GLDN: variants seen among roughly 807,000 people sequenced by gnomAD.
GLDN encodes the protein collomin.
Under a neutral mutation model 56.5 loss-of-function variants are expected in GLDN, and 47 were observed. The observed-to-expected ratio is 0.83, with a 90% CI of 0.66 to 1.06. GLDN has a LOEUF of 1.06. GLDN is among the 50% of genes least tolerant of loss of function. GLDN has a pLI of 0.00. For missense variants in GLDN, 782 were observed against 714.3 expected, an observed-to-expected ratio of 1.09 and a Z score of -1.08; for synonymous variants, 332 against 278.8, an observed-to-expected ratio of 1.19 and a Z score of -1.90.
intron 2 of GLDN, among the ~76,000 whole-genome samples, chr15:51,381,927 C>T (rs2037771673): frequency 6.6e-6 from 1 of 152,138 alleles, no homozygotes; most frequent in Non-Finnish European, 1.5e-5. Context: ...TGCCTAAGAA[C>T]CTCCCATGGC....
Position 51,400,463 on chromosome 15 carries a change from G to T in GLDN, c.992G>T (p.Ser331Ile), listed in dbSNP as rs763102564. ...GTWIRESANK[S>I]DDRIWVTEHF... ...TGGATAAGAGAGTCTGCTAACAAGA[G>T]TGATGACCGGATTTGGGTGACAGAG... The change falls in exon 8 of 10, where the codon AGT becomes ATT. Residue 331 changes from serine to isoleucine, a missense_variant. Ser to Ile is a moderately radical substitution (Grantham distance 142). Transcript: ENST00000335449. 1.2e-6 allele frequency: 2 copies of T among 1,614,198 alleles called. No homozygotes were observed. Among genetic ancestry groups the T allele is most frequent in the Non-Finnish European group, 1.7e-6 (2 of 1,180,034 alleles).
At position 51,383,848 on chromosome 15, in the gene GLDN, G is replaced by T. The variant is rs150725307; in HGVS notation, c.497G>T (p.Gly166Val). ...NGLDGQPGPQ[G>V]PKGEKGANGK... The stretch of plus-strand genomic sequence containing the variant: ...TTGGATGGACAGCCTGGTCCTCAGG[G>T]CCCAAAAGGAGAAAAAGGAGCAAAT... Residue 166 changes from glycine to valine, a missense_variant, in exon 4 of 10, where the codon GGC (glycine) becomes GTC (valine). Gly to Val is a moderately radical substitution (Grantham distance 109). Coordinates refer to ENST00000335449, the MANE Select transcript of GLDN (RefSeq NM_181789.4). 1.9e-6 allele frequency: 3 copies of T among 1,613,126 alleles called. No homozygotes were observed. The highest frequency in any genetic ancestry group is 2.7e-5 in the African/African-American group (2 of 74,860).
chr15:51,374,766 G>A (rs1365445918), intron 1 of GLDN, among the ~76,000 whole-genome samples: 1 of 123,316 alleles, frequency 8.1e-6, no homozygotes, highest in African/African-American at 3.0e-5. Flanking sequence ...GAGACAGGGT[G>A]TTGCTCTGTC....
chr15:51,347,698 C>T (rs1595799123), intron 1 of GLDN, among the ~76,000 whole-genome samples: 2 of 152,314 alleles, frequency 1.3e-5, no homozygotes, highest in East Asian at 3.9e-4. Flanking sequence ...ACTCTTTGAC[C>T]CAGCAATCTC....
chr15:51,380,566 A>G (rs8032892), intron 2 of GLDN, among the ~76,000 whole-genome samples: 15,585 of 151,924 alleles, frequency 0.1, 1,615 homozygotes, highest in African/African-American at 0.26. Context: ...CATCACCATA[A>G]CTCCCTATGC....
rs544601767 is a variant in GLDN at position 51,406,149 on chromosome 15, G to A, written c.*1395G>A. 2.0e-5 allele frequency: 3 copies of A among 152,354 alleles called. No homozygotes were observed. Among genetic ancestry groups the A allele is most frequent in the Non-Finnish European group, 4.4e-5 (3 of 68,042 alleles). The allele number at this position is 152,354 out of a possible 1,614,324, so 9.4% of individuals were successfully genotyped here. On this transcript the variant is annotated 3_prime_UTR_variant, in exon 10 of 10. Coordinates refer to ENST00000335449, the MANE Select transcript of GLDN (RefSeq NM_181789.4). ...ATGAAGTGGCCCTCCACAAAGGCTG[G>A]TTAGGGGACAGTTCTTTCTCTAACA...
At chr15:51,398,147 G>A (rs971369020) in intron 6 of GLDN, among the ~76,000 whole-genome samples, 3 of 152,224 alleles carry the variant, frequency 2.0e-5, no homozygotes, top group African/African-American at 7.2e-5. Flanking sequence ...ACTTGCCCAA[G>A]GTCCCTCCAG....
At chr15:51,366,506 C>T (rs145652208) in intron 1 of GLDN, among the ~76,000 whole-genome samples, 12 of 152,296 alleles carry the variant, frequency 7.9e-5, no homozygotes, top group Admixed American at 3.9e-4. Flanking sequence ...GGCACTTATC[C>T]GTTTACACCT....
chr15:51,359,859 G>T (rs1442591321), intron 1 of GLDN, among the ~76,000 whole-genome samples: 2 of 151,768 alleles, frequency 1.3e-5, no homozygotes, highest in African/African-American at 4.8e-5. Flanking sequence ...GGCACCTGTA[G>T]TCCCAGCTGC....
intron 1 of GLDN, among the ~76,000 whole-genome samples, chr15:51,347,921 G>T (rs977646999): frequency 6.6e-6 from 1 of 152,158 alleles, no homozygotes; most frequent in Admixed American, 6.5e-5. Context: ...TATTCTAAGT[G>T]AACAAAGCAA....
At chr15:51,350,031 C>A (rs757430558) in intron 1 of GLDN, among the ~76,000 whole-genome samples, 8 of 152,174 alleles carry the variant, frequency 5.3e-5, no homozygotes, top group Non-Finnish European at 1.2e-4. Flanking sequence ...GCGTGAGCCA[C>A]CGCACCCGGC....
At chr15:51,395,762 A>T (rs8027922) in intron 5 of GLDN, among the ~76,000 whole-genome samples, 19 of 27,014 alleles carry the variant, frequency 7.0e-4, no homozygotes, top group Non-Finnish European at 2.3e-3. Flanking sequence ...TTATATATTT[A>T]AAAAAAGGTT....
rs1171195443 is a variant in GLDN, at chr15:51,404,374, A to G, written c.1276A>G (p.Asn426Asp). Residue 426 changes from asparagine to aspartate, a missense_variant, in exon 10 of 10, where the codon AAT becomes GAT. By Grantham distance (23) the Asn-to-Asp change is conservative. Coordinates refer to ENST00000335449, the MANE Select transcript of GLDN (RefSeq NM_181789.4). ...YLFANSKTYFNLAVDEKGLWI... is the reference protein window; with the variant it reads ...YLFANSKTYFDLAVDEKGLWI... The stretch of plus-strand genomic sequence containing the variant: ...TTTTGCAAATTCCAAAACTTACTTC[A>G]ATCTAGCTGTAGATGAAAAGGGCCT... 4.3e-6 allele frequency: 7 copies of G among 1,614,092 alleles called. No individual in the cohort carries two copies. Among genetic ancestry groups the G allele is most frequent in the Non-Finnish European group, 5.9e-6 (7 of 1,179,998 alleles).
At chr15:51,368,521 A>T (rs1450214157) in intron 1 of GLDN, among the ~76,000 whole-genome samples, 1 of 151,822 alleles carries the variant, frequency 6.6e-6, no homozygotes, top group Non-Finnish European at 1.5e-5. Context: ...GCGGCCCAAC[A>T]CGAGCTGGGG....
downstream of GLDN, among the ~76,000 whole-genome samples, chr15:51,409,105 G>A (rs1812947245): frequency 6.8e-6 from 1 of 147,774 alleles, no homozygotes; most frequent in Non-Finnish European, 1.5e-5. Flanking sequence ...ATCTAGGGCT[G>A]CAGAAATGGT....
intron 8 of GLDN, among the ~76,000 whole-genome samples, chr15:51,401,145 T>C (rs1475045398): frequency 2.6e-5 from 4 of 152,250 alleles, no homozygotes; most frequent in Non-Finnish European, 5.9e-5. Context: ...AACCTGGTAA[T>C]AACTGCCCAG....
chr15:51,383,990 C>A, intron 4 of GLDN, 98 bp downstream of exon 4: 1 of 904,818 alleles, frequency 1.1e-6, no homozygotes, highest in Non-Finnish European at 1.8e-6. Context: ...TAAGGTGTTT[C>A]ATCTCTGCAC....
At chr15:51,357,731 C>T (rs568374376) in intron 1 of GLDN, among the ~76,000 whole-genome samples, 8 of 152,230 alleles carry the variant, frequency 5.3e-5, no homozygotes, top group Non-Finnish European at 1.0e-4. Context: ...ACTCTGCAGC[C>T]GCCCATGCAT....
At chr15:51,365,549 C>T (rs2037384117) in intron 1 of GLDN, among the ~76,000 whole-genome samples, 1 of 151,918 alleles carries the variant, frequency 6.6e-6, no homozygotes, top group African/African-American at 2.4e-5. Context: ...ATCATTATTC[C>T]CATTTTACAG....
Sources: allele counts gnomAD v4.1 joint callset (sites outside exome capture counted in the v4.1 genomes callset), GRCh38; gene constraint gnomAD v4.1.1; transcripts MANE v1.5; gene names NCBI Gene and HGNC (gene_info 2026-07-23, HGNC 2026-07-21).